Variants in SLC16A2 observed in about 807,000 individuals in gnomAD.
SLC16A2 encodes the protein solute carrier family 16 member 2.
SLC16A2 carries 3 observed loss-of-function variants against 27.2 expected under a neutral mutation model. The observed-to-expected ratio is 0.11, with a 90% confidence interval of 0.05 to 0.28. SLC16A2 has a LOEUF of 0.28. Among genes scored for constraint, SLC16A2 ranks in the 10% least tolerant of loss-of-function variants. The pLI is 1.00. For synonymous variants in SLC16A2, 202 were observed against 187.8 expected (o/e 1.08, Z -0.62); for missense variants, 295 against 458.5 (o/e 0.64, Z 3.26).
At chrX:74,474,475 AGT>A (rs934289063) in intron 1 of SLC16A2, among the ~76,000 whole-genome samples, 3 of 91,806 alleles carry the variant, frequency 3.3e-5, no homozygotes, top group Admixed American at 1.3e-4. Context: ...CAGATTCCTT[AGT>A]GTTTTTTTTT....
intron 1 of SLC16A2, among the ~76,000 whole-genome samples, chrX:74,509,026 G>A (rs1474792535): frequency 3.6e-5 from 4 of 110,712 alleles, no homozygotes; most frequent in Non-Finnish European, 5.7e-5. Flanking sequence ...GCAGTGGTGC[G>A]ATCACACTCA....
chrX:74,483,998 T>C (rs749505866), intron 1 of SLC16A2, among the ~76,000 whole-genome samples: 1 of 111,422 alleles, frequency 9.0e-6, no homozygotes, highest in African/African-American at 3.3e-5. Flanking sequence ...AGAGTCAAAC[T>C]GTTGCCCTGT....
chrX:74,519,668 A>T (rs1165244083), intron 1 of SLC16A2, among the ~76,000 whole-genome samples: 10 of 92,200 alleles, frequency 1.1e-4, no homozygotes, highest in African/African-American at 3.9e-4. Flanking sequence ...GTGAGGCAAG[A>T]TCGGGCCATT....
At chrX:74,477,145 C>T (rs1192834914) in intron 1 of SLC16A2, 1 of 111,764 alleles carries the variant, frequency 8.9e-6, no homozygotes, top group African/African-American at 3.3e-5. Flanking sequence ...TAATTATTGC[C>T]TCATTTTCAG....
chrX:74,422,107 G>A, intron 1 of SLC16A2, 40 bp downstream of exon 1: 2 of 1,171,911 alleles, frequency 1.7e-6, no homozygotes, highest in South Asian at 3.7e-5. Flanking sequence ...TTTTGGGCAA[G>A]GTTGGCCGCT....
At position 74,421,629 on chromosome X, in the gene SLC16A2, C is replaced by A; in HGVS notation, c.-9C>A. Reference sequence around the variant, plus strand: ...CTCTGGCCCAAGCAGCCACAGTCCCCCCGCCGCGATGGCGCTGCAAAGCCA... The same window carrying A: ...CTCTGGCCCAAGCAGCCACAGTCCCACCGCCGCGATGGCGCTGCAAAGCCA... On this transcript the variant is annotated 5_prime_UTR_variant, in exon 1 of 6. Coordinates refer to ENST00000587091, the MANE Select transcript of SLC16A2 (RefSeq NM_006517.5). 8.3e-7 allele frequency: 1 copy of A among 1,204,164 alleles called. No individual in the cohort carries two copies. The highest frequency in any genetic ancestry group is 1.1e-6 in the Non-Finnish European group (1 of 893,460).
intron 1 of SLC16A2, among the ~76,000 whole-genome samples, chrX:74,450,340 G>A (rs1340308217): frequency 2.7e-5 from 3 of 112,099 alleles, no homozygotes; most frequent in Non-Finnish European, 3.8e-5. Context: ...GCTGAGTCAG[G>A]AGACCTGGAT....
At chrX:74,476,578 A>G (rs1382456661) in intron 1 of SLC16A2, among the ~76,000 whole-genome samples, 1 of 111,851 alleles carries the variant, frequency 8.9e-6, no homozygotes, top group Non-Finnish European at 1.9e-5. Flanking sequence ...GAATGCTTCC[A>G]GTTTTTGTCC....
chrX:74,453,702 C>T (rs887132077), intron 1 of SLC16A2, among the ~76,000 whole-genome samples: 1 of 110,794 alleles, frequency 9.0e-6, no homozygotes, highest in African/African-American at 3.3e-5. Context: ...CTGACCTGGG[C>T]ATGTTCACCC....
intron 1 of SLC16A2, among the ~76,000 whole-genome samples, chrX:74,452,678 A>C (rs768055507): frequency 1.8e-5 from 2 of 111,310 alleles, no homozygotes; most frequent in African/African-American, 3.3e-5. Context: ...TATTGCATAT[A>C]TAGCTATACA....
chrX:74,532,068 T>A lies in SLC16A2; in HGVS notation c.*515T>A, dbSNP rs1446362918. The A allele has an allele frequency of 6.7e-6, 1 of 149,272 alleles. No homozygotes were observed. The highest frequency in any genetic ancestry group is 1.3e-5 in the Non-Finnish European group (1 of 76,061). The allele number at this position is 149,272 out of a possible 1,213,427, so 12.3% of individuals were successfully genotyped here. A position where few individuals can be genotyped will look rare whatever the true frequency, so the allele number is the denominator to read the frequency against. On this transcript the variant is annotated 3_prime_UTR_variant, in exon 6 of 6. Coordinates refer to ENST00000587091, the MANE Select transcript of SLC16A2 (RefSeq NM_006517.5). ...CTTAGAGTTGCTGATGACTGTGGCT[T>A]CCCAAGAACTGGGTACAAGCAGTGC... is the stretch of plus-strand genomic sequence containing the variant.
At chrX:74,427,787 GCATGCGCACGCGTGCA>G (rs1472663843) in intron 1 of SLC16A2, among the ~76,000 whole-genome samples, 4 of 98,374 alleles carry the variant, frequency 4.1e-5, no homozygotes, top group South Asian at 5.6e-4. Context: ...GTGCGCAAGC[GCATGCGCACGCGTGCA>G]CGCGCGCGCA....
rs1257123759 is a variant in SLC16A2 at position 74,421,923 on chromosome X, G to A, written c.286G>A (p.Glu96Lys). Residue 96 changes from glutamate (E) to lysine (K), a missense_variant, in exon 1 of 6, where the codon GAA becomes AAA. Glu to Lys is a moderately conservative substitution (Grantham distance 56, BLOSUM62 1). Around this residue, in one of 3 missense-constraint regions of SLC16A2, gnomAD observed 59 missense variants for 153.6 expected, o/e 0.38. Coordinates refer to ENST00000587091, the MANE Select transcript of SLC16A2 (RefSeq NM_006517.5). ...CACCGCGCGCGGCTTCCAGCCTCCCGAAGGTGGCTTCGGCTGGGTGGTGGT... is the reference window on the plus strand; with the variant it reads ...CACCGCGCGCGGCTTCCAGCCTCCCAAAGGTGGCTTCGGCTGGGTGGTGGT... ...RGTARGFQPP[E>K]GGFGWVVVFA... The A allele has an allele frequency of 8.3e-7, 1 of 1,210,049 alleles. No individual in the cohort carries two copies.
chrX:74,508,438 T>C (rs1233761211), intron 1 of SLC16A2, among the ~76,000 whole-genome samples: 1 of 112,263 alleles, frequency 8.9e-6, no homozygotes, highest in East Asian at 2.7e-4. Flanking sequence ...TCCATAAGTA[T>C]TACAAATTTT....
chrX:74,531,570 G>A lies in SLC16A2; in HGVS notation c.*17G>A. The A allele has an allele frequency of 8.7e-7, 1 of 1,147,108 alleles. No individual in the cohort carries two copies. 94.5% of individuals were successfully genotyped at this position (1,147,108 alleles called of 1,213,427 possible). A position where few individuals can be genotyped will look rare whatever the true frequency, so the allele number is the denominator to read the frequency against. On this transcript the variant is annotated 3_prime_UTR_variant, in exon 6 of 6. Coordinates refer to ENST00000587091, the MANE Select transcript of SLC16A2 (RefSeq NM_006517.5). Reference sequence around the variant, plus strand: ...CCAATCTAATGCCTTTCTTGCCATTGTGTGCCCTTTCCCAGCTCTTCCCCT... The same window carrying A: ...CCAATCTAATGCCTTTCTTGCCATTATGTGCCCTTTCCCAGCTCTTCCCCT...
intron 1 of SLC16A2, among the ~76,000 whole-genome samples, chrX:74,487,181 T>C (rs1929736866): frequency 9.0e-6 from 1 of 110,808 alleles, no homozygotes; most frequent in African/African-American, 3.3e-5. Context: ...GTGAGACCCA[T>C]TGAGGGACAA....
At chrX:74,457,045 C>T (rs1001284915) in intron 1 of SLC16A2, among the ~76,000 whole-genome samples, 6 of 111,124 alleles carry the variant, frequency 5.4e-5, no homozygotes, top group Non-Finnish European at 1.1e-4. Context: ...CTATCTCCAC[C>T]AATTTCAGTC....
At chrX:74,523,286 A>G (rs1163033249) in intron 2 of SLC16A2, among the ~76,000 whole-genome samples, 1 of 112,553 alleles carries the variant, frequency 8.9e-6, no homozygotes, top group Non-Finnish European at 1.9e-5. Context: ...GATGACAGCT[A>G]TCTTAGAATC....
At chrX:74,520,094 C>A (rs914551126) in intron 1 of SLC16A2, among the ~76,000 whole-genome samples, 1 of 112,021 alleles carries the variant, frequency 8.9e-6, no homozygotes, top group African/African-American at 3.2e-5. Context: ...TGGGGCTCCA[C>A]AATTGGAGAG....
Sources: allele counts gnomAD v4.1 joint callset (sites outside exome capture counted in the v4.1 genomes callset), GRCh38; gene constraint gnomAD v4.1.1; regional missense constraint gnomAD v4.1.1; transcripts MANE v1.5; gene names NCBI Gene and HGNC (gene_info 2026-07-23, HGNC 2026-07-21).